The following ZDHHC13 variants were observed in gnomAD, a reference collection of about 807,000 sequenced individuals.
ZDHHC13 encodes the protein palmitoyltransferase ZDHHC13.
ZDHHC13 carries 85 observed loss-of-function variants against 86.0 expected under a neutral mutation model. The observed-to-expected ratio is 0.99, with a 90% CI of 0.83 to 1.18. The LOEUF (loss-of-function observed/expected upper bound fraction) is 1.18, where lower values mean the gene tolerates loss of function less well. ZDHHC13 is among the 50% of genes most tolerant of loss of function. The probability of loss-of-function intolerance (pLI) is 0.00; values close to 1 mark genes in which losing one functional copy is unlikely to be tolerated. For synonymous variants in ZDHHC13, 263 were observed against 246.4 expected, an observed-to-expected ratio of 1.07 and a Z score of -0.63; for missense variants, 711 against 730.2, an observed-to-expected ratio of 0.97 and a Z score of 0.30.
chr11:19,155,766 A>T, intron 8 of ZDHHC13, 30 bp from the exon 9 acceptor site: 1 of 1,602,204 alleles, frequency 6.2e-7, no homozygotes, highest in Non-Finnish European at 8.5e-7. Flanking sequence ...TAAAATCCAT[A>T]AAGTTCTAAA....
chr11:19,151,792 C>G (rs1049931400), intron 6 of ZDHHC13, among the ~76,000 whole-genome samples: 1 of 151,960 alleles, frequency 6.6e-6, no homozygotes, highest in African/African-American at 2.4e-5. Context: ...CTAAGACATA[C>G]ATTTAGTCTT....
At chr11:19,144,432 A>AGTGTGTGT (rs142248923) in intron 2 of ZDHHC13, among the ~76,000 whole-genome samples, 297 of 143,172 alleles carry the variant, frequency 2.1e-3, no homozygotes, top group African/African-American at 7.3e-3. Context: ...AGAGCTATGG[A>AGTGTGTGT]GTGTGTGTGT....
chr11:19,121,796 G>A (rs1848763878), intron 1 of ZDHHC13, among the ~76,000 whole-genome samples: 2 of 152,296 alleles, frequency 1.3e-5, no homozygotes, highest in South Asian at 4.1e-4. Context: ...AGACTTAGAA[G>A]GAGCTTTATG....
intron 2 of ZDHHC13, among the ~76,000 whole-genome samples, chr11:19,143,409 C>A (rs1383596588): frequency 1.3e-5 from 2 of 152,098 alleles, no homozygotes; most frequent in African/African-American, 4.8e-5. Context: ...TGTAAGGTAC[C>A]CAATAAATGT....
At chr11:19,126,211 T>A (rs1848871511) in intron 1 of ZDHHC13, among the ~76,000 whole-genome samples, 1 of 152,134 alleles carries the variant, frequency 6.6e-6, no homozygotes, top group African/African-American at 2.4e-5. Flanking sequence ...TTGTATAGAT[T>A]ATTTCCTTAC....
In ZDHHC13 at chr11:19,156,447, C is replaced by CT. The variant is rs1849758156; in HGVS notation, c.1007+520dup. Among the ~76,000 whole-genome samples the CT allele has an allele frequency of 2.0e-5, 3 of 152,086 alleles. No homozygotes were observed. In the South Asian group the frequency reaches 6.2e-4, roughly 31 times the overall value. On this transcript the variant is annotated intron_variant, in intron 9 of 16. Transcript: ENST00000446113. ...TAGTTAATGGTTAAGAGTCAGACTGCTTGAATTCAAGTCAAGCTTTACCAC... is the reference window on the plus strand; with the variant it reads ...TAGTTAATGGTTAAGAGTCAGACTGCTTTGAATTCAAGTCAAGCTTTACCAC...
At chr11:19,138,861 C>G (rs911659445) in intron 1 of ZDHHC13, among the ~76,000 whole-genome samples, 11 of 152,052 alleles carry the variant, frequency 7.2e-5, no homozygotes, top group Non-Finnish European at 1.6e-4. Flanking sequence ...GAAAATTCAA[C>G]AACCCTTCAT....
Position 19,164,936 on chromosome 11 carries a change from G to A in ZDHHC13, c.1297-116G>A, listed in dbSNP as rs1850015871. ...TCCACAGCCTCTGTGTGAATTGATG[G>A]TCTGTTTAGGATTTGTGCCAATGCC... On this transcript the variant is annotated intron_variant, in intron 12 of 16. Coordinates refer to ENST00000446113, the MANE Select transcript of ZDHHC13 (RefSeq NM_019028.3). The A allele has an allele frequency of 6.7e-6, 5 of 745,516 alleles. No individual in the cohort carries two copies. In the South Asian group the frequency reaches 8.2e-5, roughly 12 times the overall value. The allele number at this position is 745,516 out of a possible 1,614,324, so 46.2% of individuals were successfully genotyped here. A position where few individuals can be genotyped will look rare whatever the true frequency, so the allele number is the denominator to read the frequency against.
At chr11:19,151,719 C>T (rs7111919) in intron 6 of ZDHHC13, among the ~76,000 whole-genome samples, 32,724 of 151,756 alleles carry the variant, frequency 0.22, 4,270 homozygotes, top group African/African-American at 0.37. Flanking sequence ...TATTTTAGGG[C>T]ATAATTTATA....
At chr11:19,121,362 G>C (rs886594065) in intron 1 of ZDHHC13, among the ~76,000 whole-genome samples, 1 of 152,152 alleles carries the variant, frequency 6.6e-6, no homozygotes, top group African/African-American at 2.4e-5. Context: ...AATGGGGAAG[G>C]GAGTATATCC....
intron 2 of ZDHHC13, among the ~76,000 whole-genome samples, chr11:19,144,533 T>C (rs1054474580): frequency 1.3e-5 from 2 of 152,042 alleles, no homozygotes; most frequent in African/African-American, 2.4e-5. Context: ...AGTATTTATT[T>C]TCCAGTAAAA....
intron 10 of ZDHHC13, among the ~76,000 whole-genome samples, chr11:19,161,050 A>G (rs1205013568): frequency 2.6e-5 from 4 of 151,978 alleles, no homozygotes; most frequent in African/African-American, 9.7e-5. Flanking sequence ...AGTAGGTGGC[A>G]TACTTCACCA....
intron 16 of ZDHHC13, among the ~76,000 whole-genome samples, chr11:19,174,616 A>C (rs1850310340): frequency 1.3e-5 from 2 of 152,234 alleles, no homozygotes; most frequent in Admixed American, 1.3e-4. Context: ...TATGCGTAAA[A>C]ATGAGCATTT....
At chr11:19,172,953 C>G (rs1046531188) in intron 16 of ZDHHC13, 133 bp downstream of exon 16, 3 of 698,774 alleles carry the variant, frequency 4.3e-6, no homozygotes, top group Middle Eastern at 2.8e-4. Flanking sequence ...CCCCCCTTTT[C>G]TTAGAGAAGC....
At chr11:19,144,573 G>A (rs1849407411) in intron 2 of ZDHHC13, among the ~76,000 whole-genome samples, 1 of 151,972 alleles carries the variant, frequency 6.6e-6, no homozygotes, top group Non-Finnish European at 1.5e-5. Flanking sequence ...AAGATGGAGA[G>A]TGTAAATGTA....
intron 3 of ZDHHC13, 33 bp from the exon 4 acceptor site, chr11:19,147,563 A>C: frequency 6.5e-7 from 1 of 1,544,320 alleles, no homozygotes; most frequent in Non-Finnish European, 8.8e-7. Flanking sequence ...TTAAGTTTCA[A>C]ATCTTACTTT....
intron 5 of ZDHHC13, 26 bp from the exon 6 acceptor site, chr11:19,150,700 TA>T (rs1849583362): frequency 6.3e-7 from 1 of 1,590,238 alleles, no homozygotes; most frequent in African/African-American, 1.3e-5. Flanking sequence ...TATTTACAGT[TA>T]TGCTAATTGT....
At chr11:19,155,312 G>A (rs1236707897) in intron 8 of ZDHHC13, among the ~76,000 whole-genome samples, 1 of 152,110 alleles carries the variant, frequency 6.6e-6, no homozygotes, top group Non-Finnish European at 1.5e-5. Flanking sequence ...TAAAATGTAG[G>A]GTTTTTAAAA....
intron 1 of ZDHHC13, among the ~76,000 whole-genome samples, chr11:19,122,630 A>T (rs1020745476): frequency 6.6e-6 from 1 of 152,202 alleles, no homozygotes; most frequent in African/African-American, 2.4e-5. Context: ...ATAAGGAGTG[A>T]CCTGCTTGGC....
Sources: gnomAD v4.1 joint callset for allele counts (sites outside exome capture counted in the v4.1 genomes callset) on GRCh38, gnomAD v4.1.1 for gene constraint, MANE v1.5 for transcripts, NCBI Gene and HGNC (gene_info 2026-07-23, HGNC 2026-07-21) for gene names.